The following CNTN6 variants were observed in gnomAD, a reference collection of about 807,000 sequenced individuals.
CNTN6 encodes contactin-6.
In CNTN6, 137 loss-of-function variants were observed where a neutral mutation model predicts 122.8. The observed-to-expected ratio is 1.12, with a 90% confidence interval of 0.97 to 1.29. The LOEUF is 1.29. Among genes scored for constraint, CNTN6 ranks in the 50% most tolerant of loss-of-function variants. CNTN6 has a pLI of 0.00. For synonymous variants in CNTN6, 570 were observed against 426.0 expected (o/e 1.34, Z -4.16); for missense variants, 1,634 against 1,223.4 (o/e 1.34, Z -5.01).
chr3:1,251,101 G>A (rs1293704453), intron 4 of CNTN6, among the ~76,000 whole-genome samples: 2 of 152,018 alleles, frequency 1.3e-5, no homozygotes, highest in African/African-American at 2.4e-5. Flanking sequence ...CGAATATCTT[G>A]GCCATTTCAG....
intron 1 of CNTN6, among the ~76,000 whole-genome samples, chr3:1,106,352 A>G (rs2091220881): frequency 6.6e-6 from 1 of 152,156 alleles, no homozygotes; most frequent in Non-Finnish European, 1.5e-5. Flanking sequence ...TTACGTTGCC[A>G]TAACACATTA....
At chr3:1,130,353 A>G (rs565282267) in intron 1 of CNTN6, among the ~76,000 whole-genome samples, 1 of 152,204 alleles carries the variant, frequency 6.6e-6, no homozygotes, top group Admixed American at 6.6e-5. Flanking sequence ...CTAACTAAGT[A>G]TCCCTGACTG....
intron 2 of CNTN6, among the ~76,000 whole-genome samples, chr3:1,170,317 AT>A (rs2093338090): frequency 1.3e-5 from 2 of 151,778 alleles, no homozygotes; most frequent in Non-Finnish European, 2.9e-5. Flanking sequence ...AATTATAATC[AT>A]TTAAAAACTG....
At chr3:1,255,562 A>G (rs569437057) in intron 4 of CNTN6, among the ~76,000 whole-genome samples, 1 of 152,156 alleles carries the variant, frequency 6.6e-6, no homozygotes, top group Non-Finnish European at 1.5e-5. Context: ...TTTGAATTGT[A>G]TCCTAGGAAC....
chr3:1,266,609 T>C (rs899772962), intron 4 of CNTN6, among the ~76,000 whole-genome samples: 4 of 152,212 alleles, frequency 2.6e-5, no homozygotes, highest in African/African-American at 9.7e-5. Context: ...GCAATCTAAC[T>C]TTCTGATTAA....
chr3:1,302,170 G>T (rs145089908), intron 7 of CNTN6, among the ~76,000 whole-genome samples: 173 of 152,184 alleles, frequency 1.1e-3, no homozygotes, highest in African/African-American at 3.9e-3. Flanking sequence ...TTTTTATAAA[G>T]TCTATTGTTT....
chr3:1,288,324 G>C (rs868248738), intron 5 of CNTN6, among the ~76,000 whole-genome samples: 8 of 32,896 alleles, frequency 2.4e-4, no homozygotes, highest in Non-Finnish European at 4.1e-4. Flanking sequence ...TCAAATAGGA[G>C]TGGATTTTAA....
In CNTN6 at chr3:1,403,471, A is replaced by G; in HGVS notation, c.*53A>G. 1 of 1,155,340 alleles carries G rather than the reference A, an allele frequency of 8.7e-7. No individual in the cohort carries two copies. The allele number at this position is 1,155,340 out of a possible 1,614,324, so 71.6% of individuals were successfully genotyped here. A position where few individuals can be genotyped will look rare whatever the true frequency, so the allele number is the denominator to read the frequency against. On this transcript the variant is annotated 3_prime_UTR_variant, in exon 23 of 23. Transcript: ENST00000446702. ...TTTTTGAAAGCAAATCATTCTGTAT[A>G]TATGCTCTCCAGCCTCTGACACAAG...
chr3:1,266,539 A>G (rs1161458908), intron 4 of CNTN6, among the ~76,000 whole-genome samples: 2 of 152,150 alleles, frequency 1.3e-5, no homozygotes, highest in African/African-American at 4.8e-5. Flanking sequence ...TTTACCCAGG[A>G]GCTCTGTCCC....
chr3:1,220,338 C>A (rs183673886), intron 2 of CNTN6, among the ~76,000 whole-genome samples: 22 of 151,898 alleles, frequency 1.4e-4, no homozygotes, highest in Admixed American at 1.4e-3. Flanking sequence ...ACTGTCTCTA[C>A]AACAAAAATG....
intron 12 of CNTN6, 107 bp downstream of exon 12, chr3:1,352,558 T>G (rs1044369547): frequency 7.5e-7 from 1 of 1,338,986 alleles, no homozygotes; most frequent in African/African-American, 1.5e-5. Context: ...TGTAAAATTG[T>G]TGATTTCACA....
intron 7 of CNTN6, among the ~76,000 whole-genome samples, chr3:1,304,663 T>C (rs1474529754): frequency 6.6e-6 from 1 of 152,136 alleles, no homozygotes; most frequent in Non-Finnish European, 1.5e-5. Flanking sequence ...TAATAACTAA[T>C]ATTCCAGCAA....
chr3:1,254,435 A>T (rs2094720213), intron 4 of CNTN6, among the ~76,000 whole-genome samples: 1 of 152,216 alleles, frequency 6.6e-6, no homozygotes, highest in Admixed American at 6.5e-5. Context: ...ACTTCGTTTC[A>T]ACGAAGGAAT....
chr3:1,190,484 C>G (rs1487338602), intron 2 of CNTN6, among the ~76,000 whole-genome samples: 1 of 152,158 alleles, frequency 6.6e-6, no homozygotes. Flanking sequence ...TTGGAGAATT[C>G]TAAACAGCCT....
chr3:1,202,459 G>A (rs1000741278), intron 2 of CNTN6, among the ~76,000 whole-genome samples: 2 of 149,178 alleles, frequency 1.3e-5, no homozygotes, highest in Non-Finnish European at 1.5e-5. Flanking sequence ...AGAATGGCGG[G>A]AACCCCGGGG....
intron 4 of CNTN6, among the ~76,000 whole-genome samples, chr3:1,263,074 A>G (rs1053961981): frequency 6.6e-6 from 1 of 152,196 alleles, no homozygotes; most frequent in African/African-American, 2.4e-5. Flanking sequence ...CACAACAGTC[A>G]AATAATATAC....
At chr3:1,219,630 C>T (rs1012215) in intron 2 of CNTN6, among the ~76,000 whole-genome samples, 16,889 of 152,088 alleles carry the variant, frequency 0.11, 1,805 homozygotes, top group East Asian at 0.49. Context: ...TGAAACTTTA[C>T]CACATAACTG....
At chr3:1,337,238 C>T (rs1480352688) in intron 11 of CNTN6, among the ~76,000 whole-genome samples, 1 of 152,094 alleles carries the variant, frequency 6.6e-6, no homozygotes, top group Non-Finnish European at 1.5e-5. Context: ...GAGGTTTTTC[C>T]AATCATCTGA....
At chr3:1,360,289 G>C (rs1248105401) in intron 12 of CNTN6, among the ~76,000 whole-genome samples, 3 of 151,936 alleles carry the variant, frequency 2.0e-5, no homozygotes, top group African/African-American at 7.2e-5. Context: ...TTGTTCTCTA[G>C]AATTCTGTTT....
Sources: gnomAD v4.1 joint callset for allele counts (sites outside exome capture counted in the v4.1 genomes callset) on GRCh38, gnomAD v4.1.1 for gene constraint, MANE v1.5 for transcripts, NCBI Gene and HGNC (gene_info 2026-07-23, HGNC 2026-07-21) for gene names.